The following PDE8B variants were observed in gnomAD, a reference collection of about 807,000 sequenced individuals.
The protein encoded by PDE8B is high affinity cAMP-specific and IBMX-insensitive 3',5'-cyclic phosphodiesterase 8B.
In PDE8B, 26 loss-of-function variants were observed where a neutral mutation model predicts 101.3. That is an observed-to-expected ratio of 0.26 (90% CI 0.19 to 0.36). The LOEUF is 0.36. PDE8B is among the 10% of genes least tolerant of loss of function. The pLI is 1.00. For missense variants in PDE8B, 810 were observed against 1,163.1 expected (o/e 0.70, Z 4.42); for synonymous variants, 424 against 429.3 (o/e 0.99, Z 0.15).
At chr5:77,366,914 C>T (rs1315153376) in intron 10 of PDE8B, among the ~76,000 whole-genome samples, 1 of 152,072 alleles carries the variant, frequency 6.6e-6, no homozygotes, top group Non-Finnish European at 1.5e-5. Context: ...CCAGATGTCC[C>T]CTGGGGCATC....
chr5:77,212,669 T>C (rs1204945585), intron 1 of PDE8B, among the ~76,000 whole-genome samples: 2 of 152,214 alleles, frequency 1.3e-5, no homozygotes, highest in African/African-American at 4.8e-5. Flanking sequence ...CTAGGATTTA[T>C]GACAGTACAA....
intron 10 of PDE8B, among the ~76,000 whole-genome samples, chr5:77,365,484 C>A (rs1245968490): frequency 1.3e-5 from 2 of 152,202 alleles, no homozygotes; most frequent in Admixed American, 1.3e-4. Context: ...GAAGACCAGG[C>A]CACTGTGGAA....
intron 10 of PDE8B, among the ~76,000 whole-genome samples, chr5:77,367,292 T>C (rs1784318702): frequency 1.3e-5 from 2 of 152,134 alleles, no homozygotes; most frequent in Non-Finnish European, 2.9e-5. Flanking sequence ...TTGTGATGAA[T>C]TCCTGGGGTA....
At chr5:77,101,908 T>C in the PDE8B span, among the ~76,000 whole-genome samples, 1 of 152,126 alleles carries the variant, frequency 6.6e-6, no homozygotes, top group Non-Finnish European at 1.5e-5. Flanking sequence ...GTACAGACTT[T>C]CTGTTTGTGA....
intron 10 of PDE8B, among the ~76,000 whole-genome samples, chr5:77,399,373 T>C (rs1791752847): frequency 6.6e-6 from 1 of 152,250 alleles, no homozygotes; most frequent in South Asian, 2.1e-4. Context: ...TTACAGTTGA[T>C]GTTGCTAAGC....
intron 5 of PDE8B, among the ~76,000 whole-genome samples, chr5:77,334,836 A>T (rs1386300552): frequency 2.0e-5 from 3 of 152,230 alleles, no homozygotes; most frequent in Non-Finnish European, 2.9e-5. Flanking sequence ...CCACTGTACC[A>T]AAAGCTATTA....
At chr5:77,227,741 G>T (rs565536047) in intron 1 of PDE8B, among the ~76,000 whole-genome samples, 2 of 152,282 alleles carry the variant, frequency 1.3e-5, no homozygotes, top group African/African-American at 4.8e-5. Flanking sequence ...CAAATATGCA[G>T]AAACTTTGGG....
At chr5:77,111,734 C>T in the PDE8B span, among the ~76,000 whole-genome samples, 1 of 152,196 alleles carries the variant, frequency 6.6e-6, no homozygotes, top group Non-Finnish European at 1.5e-5. Flanking sequence ...TTGTCCAAAA[C>T]TATTCAATGG....
At chr5:77,216,568 C>T (rs966050138) in intron 1 of PDE8B, among the ~76,000 whole-genome samples, 5 of 152,122 alleles carry the variant, frequency 3.3e-5, no homozygotes, top group Non-Finnish European at 4.4e-5. Flanking sequence ...ATTATGGAAG[C>T]TACAATTCAA....
rs56044306 is a variant in PDE8B at position 77,278,508 on chromosome 5, C to T, written c.340-33486C>T. 4.2e-3 allele frequency among the ~76,000 whole-genome samples: 636 copies of T among 152,226 alleles called. 4 individuals are homozygous for T. Among genetic ancestry groups the T allele is most frequent in the Middle Eastern group, 0.01 (3 of 294 alleles). ...TTTTTGAGACGGAGTCTCACTCTGT[C>T]GCCCTGGCTGGAGTGCAGTGGCGCG... On this transcript the variant is annotated intron_variant, in intron 1 of 21. Transcript: ENST00000264917.
the PDE8B span, among the ~76,000 whole-genome samples, chr5:77,121,432 C>T: frequency 3.3e-5 from 5 of 152,000 alleles, no homozygotes; most frequent in Admixed American, 6.6e-5. Context: ...CACCCGCTGT[C>T]ACTTCCACCA....
chr5:77,154,216 T>C, the PDE8B span, among the ~76,000 whole-genome samples: 1 of 152,232 alleles, frequency 6.6e-6, no homozygotes, highest in Admixed American at 6.5e-5. Context: ...GTAGCCACAT[T>C]GACTGCTTTT....
intron 1 of PDE8B, among the ~76,000 whole-genome samples, chr5:77,274,226 A>G (rs546610066): frequency 7.9e-5 from 12 of 152,302 alleles, no homozygotes; most frequent in African/African-American, 2.9e-4. Context: ...TTAATCCTCA[A>G]AAAATCCCTA....
intron 1 of PDE8B, among the ~76,000 whole-genome samples, chr5:77,219,973 T>C (rs954778754): frequency 6.6e-6 from 1 of 152,216 alleles, no homozygotes; most frequent in Non-Finnish European, 1.5e-5. Context: ...GACACACACA[T>C]GCATGCACGT....
the PDE8B span, among the ~76,000 whole-genome samples, chr5:77,169,086 G>A: frequency 6.6e-6 from 1 of 152,230 alleles, no homozygotes; most frequent in Non-Finnish European, 1.5e-5. Flanking sequence ...CGCAGTGCCA[G>A]CTCCTGTCAC....
intron 5 of PDE8B, among the ~76,000 whole-genome samples, chr5:77,335,885 T>C (rs1290879126): frequency 6.6e-6 from 1 of 151,006 alleles, no homozygotes; most frequent in East Asian, 1.9e-4. Flanking sequence ...TTTTACTTGC[T>C]TTTTTTTCTG....
intron 1 of PDE8B, among the ~76,000 whole-genome samples, chr5:77,219,975 C>T (rs1750726999): frequency 6.6e-6 from 1 of 152,212 alleles, no homozygotes; most frequent in African/African-American, 2.4e-5. Flanking sequence ...CACACACATG[C>T]ATGCACGTGC....
At chr5:77,109,549 A>G in the PDE8B span, among the ~76,000 whole-genome samples, 3 of 152,174 alleles carry the variant, frequency 2.0e-5, no homozygotes, top group Non-Finnish European at 4.4e-5. Flanking sequence ...GTGGTGGCTA[A>G]CCAATGCTAT....
chr5:77,337,042 T>C (rs1249282485), intron 5 of PDE8B, among the ~76,000 whole-genome samples, 185 bp from the exon 6 acceptor site: 1 of 152,244 alleles, frequency 6.6e-6, no homozygotes, highest in Non-Finnish European at 1.5e-5. Flanking sequence ...TTACTTGCTC[T>C]GTTGTTTCTC....
Sources: allele counts gnomAD v4.1 joint callset (sites outside exome capture counted in the v4.1 genomes callset), GRCh38; gene constraint gnomAD v4.1.1; transcripts MANE v1.5; gene names NCBI Gene and HGNC (gene_info 2026-07-23, HGNC 2026-07-21).